The following TPO variants were observed in gnomAD, a reference collection of about 807,000 sequenced individuals.
TPO encodes the protein thyroid peroxidase, also known as thyroid microsomal antigen.
TPO carries 78 observed loss-of-function variants against 96.9 expected under a neutral mutation model. The observed-to-expected ratio is 0.81, with a 90% CI of 0.67 to 0.97. The LOEUF (loss-of-function observed/expected upper bound fraction) is 0.97. TPO is among the 50% of genes least tolerant of loss of function. TPO has a pLI of 0.00. For synonymous variants in TPO, 547 were observed against 538.0 expected (o/e 1.02, Z -0.23); for missense variants, 1,252 against 1,274.8 (o/e 0.98, Z 0.27).
intron 15 of TPO, among the ~76,000 whole-genome samples, chr2:1,526,572 T>C (rs1676553032): frequency 7.7e-6 from 1 of 129,434 alleles, no homozygotes; most frequent in Non-Finnish European, 1.6e-5. Flanking sequence ...CCTTCTCAAA[T>C]CCCACGCCAC....
chr2:1,384,937 G>T (rs1379298431), intron 1 of TPO, among the ~76,000 whole-genome samples: 1 of 152,154 alleles, frequency 6.6e-6, no homozygotes, highest in Non-Finnish European at 1.5e-5. Context: ...GTTGAATTTT[G>T]TCAAAGGCCT....
chr2:1,411,742 G>A (rs573490240), upstream of TPO, among the ~76,000 whole-genome samples: 7 of 152,206 alleles, frequency 4.6e-5, no homozygotes, highest in East Asian at 3.9e-4. Flanking sequence ...TCATGGCCAC[G>A]GCCCTCCAGT....
intron 15 of TPO, among the ~76,000 whole-genome samples, 190 bp downstream of exon 15, chr2:1,517,172 G>A (rs2125077398): frequency 6.6e-6 from 1 of 152,202 alleles, no homozygotes; most frequent in Non-Finnish European, 1.5e-5. Flanking sequence ...TTTAAATAAT[G>A]AAAGTGGAGT....
chr2:1,537,762 A>C (rs1460490492), intron 15 of TPO, among the ~76,000 whole-genome samples: 3 of 81,594 alleles, frequency 3.7e-5, no homozygotes, highest in African/African-American at 1.7e-4. Flanking sequence ...CATCTCCCTC[A>C]CTGAGTACAA....
chr2:1,446,969 G>A (rs1274832845), intron 5 of TPO, among the ~76,000 whole-genome samples: 1 of 152,100 alleles, frequency 6.6e-6, no homozygotes, highest in Non-Finnish European at 1.5e-5. Flanking sequence ...CAACATACGA[G>A]GTGGCAACCA....
At position 1,495,994 on chromosome 2, in the gene TPO, G is replaced by T. The variant is rs778635762; in HGVS notation, c.2012G>T (p.Trp671Leu). The T allele has an allele frequency of 1.2e-6, 2 of 1,612,432 alleles. No homozygotes were observed. Among genetic ancestry groups the T allele is most frequent in the Non-Finnish European group, 1.7e-6 (2 of 1,179,920 alleles). ...CACTGTCTCCTTCTCTGGAGGTTTT[G>T]GTGGGAGAACAGCCACGTCTTCACG... is the stretch of plus-strand genomic sequence containing the variant. ...MKALRDGDWF[W>L]WENSHVFTDA... The change falls in exon 12 of 17, where the codon TGG (tryptophan) becomes TTG (leucine). Residue 671 changes from tryptophan (W) to leucine (L), a missense_variant. Physicochemically the swap from Trp to Leu is moderately conservative, Grantham distance 61. Coordinates refer to ENST00000329066, the MANE Select transcript of TPO (RefSeq NM_001206744.2).
intron 14 of TPO, chr2:1,512,295 A>C (rs1334251435): frequency 6.5e-6 from 4 of 615,660 alleles, no homozygotes; most frequent in Middle Eastern, 1.6e-3. Flanking sequence ...TAAACGCTGA[A>C]GCCAAATGTG....
rs2148490719 is a variant in TPO, at chr2:1,433,492, A to C, written c.234A>C (p.Lys78Asn). ...CAGCTCAGCTTCTGTCTTTTTCCAA[A>C]CTTCCTGAGCCAACAAGCGGAGTGA... ...LSPAQLLSFSKLPEPTSGVIA... is the reference protein window; with the variant it reads ...LSPAQLLSFSNLPEPTSGVIA... The change falls in exon 4 of 17, where the codon AAA (lysine) becomes AAC (asparagine). Residue 78 changes from lysine (K) to asparagine (N), a missense_variant. Lys to Asn is a moderately conservative substitution (Grantham distance 94, BLOSUM62 0). Coordinates refer to ENST00000329066, the MANE Select transcript of TPO (RefSeq NM_001206744.2). 1 of 1,614,186 alleles carries C rather than the reference A, an allele frequency of 6.2e-7. No individual in the cohort carries two copies. Among genetic ancestry groups the C allele is most frequent in the East Asian group, 2.2e-5 (1 of 44,878 alleles).
chr2:1,527,925 A>G (rs1394617200), intron 15 of TPO, among the ~76,000 whole-genome samples: 4 of 90,258 alleles, frequency 4.4e-5, no homozygotes, highest in Non-Finnish European at 6.1e-5. Context: ...AATGTGAGCA[A>G]CCTCCTCAAA....
intron 7 of TPO, among the ~76,000 whole-genome samples, chr2:1,469,864 G>A (rs1449802308): frequency 6.6e-6 from 1 of 152,120 alleles, no homozygotes; most frequent in Non-Finnish European, 1.5e-5. Context: ...AGGGTCTGCG[G>A]TTTCTCTTGG....
intron 1 of TPO, among the ~76,000 whole-genome samples, chr2:1,380,174 C>T (rs997996114): frequency 2.0e-5 from 3 of 152,100 alleles, no homozygotes; most frequent in African/African-American, 7.2e-5. Context: ...GTGGGCGGAT[C>T]ATGAGGTCAG....
Position 1,488,714 on chromosome 2 carries a change from C to T in TPO, c.1768+723C>T, listed in dbSNP as rs28911491. ...ACGTACCCTGGGAGCTTGGGAGGTG[C>T]CCTCCTGTTGTGTGTGGGTGACATG... is the stretch of plus-strand genomic sequence containing the variant. On this transcript the variant is annotated intron_variant, in intron 10 of 16. Coordinates refer to ENST00000329066, the MANE Select transcript of TPO (RefSeq NM_001206744.2). Among the ~76,000 whole-genome samples, 1,313 of 152,286 alleles carry T rather than the reference C, an allele frequency of 8.6e-3. 28 individuals are homozygous for T. The highest frequency in any genetic ancestry group is 0.03 in the African/African-American group (1,242 of 41,554).
intron 13 of TPO, among the ~76,000 whole-genome samples, chr2:1,497,387 GACA>G (rs986804709): frequency 6.6e-6 from 1 of 152,206 alleles, no homozygotes; most frequent in Admixed American, 6.5e-5. Context: ...AGGTGTGCTG[GACA>G]ACAGAGCCTC....
At chr2:1,386,516 T>A (rs1226301980) in intron 1 of TPO, among the ~76,000 whole-genome samples, 188 of 152,118 alleles carry the variant, frequency 1.2e-3, no homozygotes, top group Admixed American at 2.3e-3. Context: ...CTGTTTTATC[T>A]GAGACTAGGA....
chr2:1,411,646 T>A (rs1479308374), upstream of TPO, among the ~76,000 whole-genome samples: 1 of 152,158 alleles, frequency 6.6e-6, no homozygotes, highest in Non-Finnish European at 1.5e-5. Flanking sequence ...CAAATGAGAC[T>A]TTTGGCAGCA....
At chr2:1,462,261 G>A (rs1668516533) in intron 7 of TPO, among the ~76,000 whole-genome samples, 1 of 152,072 alleles carries the variant, frequency 6.6e-6, no homozygotes, top group East Asian at 1.9e-4. Flanking sequence ...GAGCCTGCAG[G>A]GCTTGTTCCC....
intron 12 of TPO, 141 bp downstream of exon 12, chr2:1,496,338 CCTGGG>C (rs948143771): frequency 9.3e-7 from 1 of 1,079,778 alleles, no homozygotes; most frequent in African/African-American, 1.9e-5. Flanking sequence ...CAGGGCAGCT[CCTGGG>C]GCGGGGCGGG....
At chr2:1,395,555 TA>T (rs916074228) in intron 1 of TPO, among the ~76,000 whole-genome samples, 5 of 152,114 alleles carry the variant, frequency 3.3e-5, no homozygotes, top group Non-Finnish European at 7.4e-5. Flanking sequence ...ATAAAAAACA[TA>T]AAAATATCTC....
chr2:1,512,600 C>T (rs941495807), intron 14 of TPO: 8 of 532,726 alleles, frequency 1.5e-5, no homozygotes, highest in African/African-American at 1.4e-4. Context: ...CACGTCTTCC[C>T]GCTGAGCCCT....
Sources: gnomAD v4.1 joint callset for allele counts (sites outside exome capture counted in the v4.1 genomes callset) on GRCh38, gnomAD v4.1.1 for gene constraint, MANE v1.5 for transcripts, NCBI Gene and HGNC (gene_info 2026-07-23, HGNC 2026-07-21) for gene names.